PGM5: variants seen among roughly 807,000 people sequenced by gnomAD.
PGM5 encodes phosphoglucomutase 5.
In PGM5, 23 loss-of-function variants were observed where a neutral mutation model predicts 59.2. The ratio of observed to expected loss-of-function variants is 0.39; its 90% CI spans 0.28 to 0.55. The LOEUF (loss-of-function observed/expected upper bound fraction) is 0.55, where lower values mean the gene tolerates loss of function less well. Ranked by LOEUF, PGM5 falls within the 20% of genes least tolerant of loss-of-function variation. PGM5 has a pLI of 0.66. For missense variants in PGM5, 574 were observed against 748.3 expected (o/e 0.77, Z 2.72); for synonymous variants, 214 against 286.0 (o/e 0.75, Z 2.54).
At chr9:68,466,271 T>TG (rs1554685802) in intron 7 of PGM5, 19,437 of 348,110 alleles carry the variant, frequency 0.056, 755 homozygotes, top group African/African-American at 0.22. Flanking sequence ...ATACTGTGTG[T>TG]TTTTTTTTTT....
chr9:68,415,082 T>G lies in PGM5; in HGVS notation c.1043+22609T>G, dbSNP rs554551628. 8.1e-3 allele frequency among the ~76,000 whole-genome samples: 1,215 copies of G among 149,490 alleles called. 14 individuals carry two copies. Among genetic ancestry groups the G allele is most frequent in the Non-Finnish European group, 9.8e-3 (667 of 67,992 alleles). ...GTGCTGGGACCTCATTCATTCTTCA[T>G]GTCATAAGGAGCCAATTCTTCTCTG... On this transcript the variant is annotated intron_variant, in intron 6 of 10. Coordinates refer to ENST00000396396, the MANE Select transcript of PGM5 (RefSeq NM_021965.4).
intron 6 of PGM5, among the ~76,000 whole-genome samples, chr9:68,412,661 A>G (rs1282225775): frequency 6.6e-6 from 1 of 152,198 alleles, no homozygotes; most frequent in African/African-American, 2.4e-5. Flanking sequence ...ATCTTTATGC[A>G]TCAGTATCCA....
intron 6 of PGM5, among the ~76,000 whole-genome samples, chr9:68,448,581 C>T (rs1473291832): frequency 7.2e-5 from 11 of 152,188 alleles, no homozygotes; most frequent in Admixed American, 7.2e-4. Flanking sequence ...TTGCTACCTG[C>T]AGTGATTTTC....
At chr9:68,505,182 C>G (rs1824634966) in intron 10 of PGM5, among the ~76,000 whole-genome samples, 1 of 152,122 alleles carries the variant, frequency 6.6e-6, no homozygotes, top group Admixed American at 6.5e-5. Flanking sequence ...CTAAGTCTTT[C>G]TTATAACAAA....
At chr9:68,499,466 A>C in intron 10 of PGM5, 105 bp downstream of exon 10, 1 of 1,186,730 alleles carries the variant, frequency 8.4e-7, no homozygotes, top group Non-Finnish European at 1.2e-6. Context: ...GGAAAGGTAC[A>C]TGATAATTTC....
Position 68,437,129 on chromosome 9 carries a change from A to G in PGM5, c.1044-27964A>G, listed in dbSNP as rs1368155280. On this transcript the variant is annotated intron_variant, in intron 6 of 10. Transcript: ENST00000396396. This position sits in a 1 kb window ranked among gnomAD's most constrained non-coding sequence, Gnocchi z 4.1. ...TACATTTGGCTTCATTATCTCCATC[A>G]GTTCACATCACTTTGAAATTAAAAT... Among the ~76,000 whole-genome samples, 1 of 152,264 alleles carries G rather than the reference A, an allele frequency of 6.6e-6. No individual in the cohort carries two copies. The highest frequency in any genetic ancestry group is 1.9e-4 in the East Asian group (1 of 5,204).
chr9:68,529,425 G>A, intron 10 of PGM5, 142 bp from the exon 11 acceptor site: 1 of 649,970 alleles, frequency 1.5e-6, no homozygotes, highest in Non-Finnish European at 2.7e-6. Flanking sequence ...GGTGGAGGAG[G>A]AAGCAAATGT....
In PGM5 at chr9:68,380,690, T is replaced by C. The variant is rs2480167; in HGVS notation, c.424+2329T>C. Among the ~76,000 whole-genome samples, 4 of 151,854 alleles carry C rather than the reference T, an allele frequency of 2.6e-5. No homozygotes were observed. The South Asian group carries it at 8.3e-4, about 31-fold the overall frequency. ...TTGAAAAAATAAAATCTACAAACTC[T>C]TAGCTAGATTCACTAAAAAAAGCAG... On this transcript the variant is annotated intron_variant, in intron 2 of 10. Coordinates refer to ENST00000396396, the MANE Select transcript of PGM5 (RefSeq NM_021965.4).
chr9:68,502,788 C>A (rs1244189485), intron 10 of PGM5, among the ~76,000 whole-genome samples: 2 of 152,162 alleles, frequency 1.3e-5, no homozygotes, highest in African/African-American at 2.4e-5. Context: ...CTCTTGGATT[C>A]AAGGGATTCT....
intron 7 of PGM5, among the ~76,000 whole-genome samples, chr9:68,474,205 A>T (rs1554686477): frequency 6.6e-6 from 1 of 152,144 alleles, no homozygotes; most frequent in Non-Finnish European, 1.5e-5. Context: ...GGTGATTCTA[A>T]TGTGCAGTGC....
intron 10 of PGM5, among the ~76,000 whole-genome samples, chr9:68,500,736 C>G (rs945020155): frequency 6.6e-6 from 1 of 152,182 alleles, no homozygotes; most frequent in Non-Finnish European, 1.5e-5. Flanking sequence ...GAGCTACGTA[C>G]GTGAGGAATG....
intron 6 of PGM5, among the ~76,000 whole-genome samples, chr9:68,402,961 T>C (rs1459384061): frequency 1.3e-5 from 2 of 152,190 alleles, no homozygotes; most frequent in African/African-American, 4.8e-5. Flanking sequence ...CTGATTTCAC[T>C]TTACCTGTCA....
chr9:68,432,385 G>C (rs948342407), intron 6 of PGM5, among the ~76,000 whole-genome samples: 5 of 151,816 alleles, frequency 3.3e-5, no homozygotes, highest in African/African-American at 9.7e-5. Flanking sequence ...ATGTTTTGTA[G>C]AGACAGGGTT....
intron 4 of PGM5, among the ~76,000 whole-genome samples, chr9:68,390,986 T>A (rs1822350299): frequency 6.6e-6 from 1 of 151,884 alleles, no homozygotes; most frequent in Admixed American, 6.6e-5. Flanking sequence ...TATGATCCCT[T>A]CATTTCCTAG....
intron 6 of PGM5, among the ~76,000 whole-genome samples, chr9:68,404,221 G>C (rs1193436118): frequency 6.6e-6 from 1 of 152,138 alleles, no homozygotes; most frequent in East Asian, 1.9e-4. Flanking sequence ...CTGCCTCCTG[G>C]GTTGAAGCAA....
At chr9:68,362,559 G>A (rs1211438587) in intron 1 of PGM5, among the ~76,000 whole-genome samples, 1 of 152,134 alleles carries the variant, frequency 6.6e-6, no homozygotes, top group Non-Finnish European at 1.5e-5. Context: ...TAAACGAATT[G>A]TGGTTAAGCT....
intron 10 of PGM5, among the ~76,000 whole-genome samples, chr9:68,508,013 C>G (rs1824685739): frequency 6.6e-6 from 1 of 152,096 alleles, no homozygotes; most frequent in Non-Finnish European, 1.5e-5. Context: ...TGACAATAAG[C>G]CTTTTTCTTG....
chr9:68,428,313 G>A (rs1554682818), intron 6 of PGM5, among the ~76,000 whole-genome samples: 1 of 152,132 alleles, frequency 6.6e-6, no homozygotes, highest in Non-Finnish European at 1.5e-5. Context: ...CAGGGAGACG[G>A]CTCTAGCACT....
intron 6 of PGM5, among the ~76,000 whole-genome samples, chr9:68,462,782 AG>A (rs1168509670): frequency 9.2e-5 from 14 of 152,104 alleles, no homozygotes; most frequent in African/African-American, 3.4e-4. Context: ...ACTTTGACCC[AG>A]GCTTGACTAT....
Sources: gnomAD v4.1 joint callset for allele counts (sites outside exome capture counted in the v4.1 genomes callset) on GRCh38, gnomAD v4.1.1 for gene constraint, Gnocchi (gnomAD v3.1) non-coding constraint, MANE v1.5 for transcripts, NCBI Gene and HGNC (gene_info 2026-07-23, HGNC 2026-07-21) for gene names.